Variants in YEATS2 observed in about 807,000 individuals in gnomAD.
YEATS2 encodes the protein YEATS domain containing 2.
YEATS2 carries 77 observed loss-of-function variants against 163.2 expected under a neutral mutation model. That is an observed-to-expected ratio of 0.47 (90% confidence interval 0.39 to 0.57). The LOEUF is 0.57. Among genes scored for constraint, YEATS2 ranks in the 20% least tolerant of loss-of-function variants. The probability of loss-of-function intolerance (pLI) is 0.00; values close to 1 mark genes in which losing one functional copy is unlikely to be tolerated. For missense variants in YEATS2, 1,549 were observed against 1,729.8 expected (o/e 0.90, Z 1.85); for synonymous variants, 631 against 645.1 (o/e 0.98, Z 0.33).
intron 11 of YEATS2, among the ~76,000 whole-genome samples, 153 bp from the exon 12 acceptor site, chr3:183,756,375 C>G (rs1720766931): frequency 6.6e-6 from 1 of 152,178 alleles, no homozygotes; most frequent in Non-Finnish European, 1.5e-5. Context: ...ACCTCTGTTG[C>G]TGCTCAGTAC....
intron 3 of YEATS2, 67 bp from the exon 4 acceptor site, chr3:183,718,433 T>C: frequency 8.2e-7 from 1 of 1,226,696 alleles, no homozygotes; most frequent in East Asian, 2.6e-5. Context: ...TCTTATTTTG[T>C]GAATTGTTTG....
In YEATS2 at chr3:183,712,791, G is replaced by C. The variant is rs545451857; in HGVS notation, c.-19-2353G>C. Among the ~76,000 whole-genome samples the C allele has an allele frequency of 7.7e-4, 111 of 143,364 alleles. No individual in the cohort carries two copies. In the Middle Eastern group the frequency reaches 0.011, roughly 14 times the overall value. The allele number at this position is 143,364 out of a possible 152,430, so 94.1% of individuals were successfully genotyped here. ...TTTTTTTTTTTTTCGAGAGAGTTTT[G>C]CTCTTGTTGCCCAGGCCGGAGTGCA... On this transcript the variant is annotated intron_variant, in intron 1 of 30. Transcript: ENST00000305135.
rs1726422173 is a variant in YEATS2 at position 183,808,232 on chromosome 3, G to T, written c.4086+128G>T. On this transcript the variant is annotated intron_variant, in intron 29 of 30. Coordinates refer to ENST00000305135, the MANE Select transcript of YEATS2 (RefSeq NM_018023.5). The stretch of plus-strand genomic sequence containing the variant: ...AATGTCTCGTCTTATTTGGGCTTAA[G>T]TTCTCTCTTTTTGTTTTTTTGTTTT... 4 of 733,654 alleles carry T rather than the reference G, an allele frequency of 5.5e-6. No individual in the cohort carries two copies. The South Asian group carries it at 8.2e-5, about 15-fold the overall frequency. 45.4% of individuals were successfully genotyped at this position (733,654 alleles called of 1,614,324 possible). A position where few individuals can be genotyped will look rare whatever the true frequency, so the allele number is the denominator to read the frequency against.
At chr3:183,769,932 G>A (rs1286117572) in intron 15 of YEATS2, among the ~76,000 whole-genome samples, 2 of 151,522 alleles carry the variant, frequency 1.3e-5, no homozygotes, top group Non-Finnish European at 2.9e-5. Context: ...TGATCCGCCC[G>A]CCTCAGCCTC....
At chr3:183,740,063 C>T (rs373554955) in intron 8 of YEATS2, among the ~76,000 whole-genome samples, 2 of 128,068 alleles carry the variant, frequency 1.6e-5, no homozygotes, top group African/African-American at 3.0e-5. Context: ...ACTTCATGTC[C>T]AAAACACCAA....
chr3:183,783,128 A>T (rs1723738066), intron 19 of YEATS2, among the ~76,000 whole-genome samples: 1 of 152,224 alleles, frequency 6.6e-6, no homozygotes, highest in African/African-American at 2.4e-5. Context: ...ACTTTTTCAG[A>T]TAGTGCTAGC....
chr3:183,714,598 A>G (rs529860244), intron 1 of YEATS2, among the ~76,000 whole-genome samples: 42 of 152,048 alleles, frequency 2.8e-4, no homozygotes, highest in African/African-American at 9.4e-4. Flanking sequence ...AAGTCTATAG[A>G]TTTGTGTTTA....
chr3:183,698,762 G>A (rs2108941944), intron 1 of YEATS2, among the ~76,000 whole-genome samples: 1 of 152,154 alleles, frequency 6.6e-6, no homozygotes, highest in South Asian at 2.1e-4. Flanking sequence ...TCGCTCACAT[G>A]TAAAAAATGC....
chr3:183,750,041 G>T (rs1263562678), intron 9 of YEATS2, among the ~76,000 whole-genome samples: 1 of 151,848 alleles, frequency 6.6e-6, no homozygotes, highest in Non-Finnish European at 1.5e-5. Context: ...AGCCAGGATG[G>T]TCTTGATCTC....
At chr3:183,722,365 T>G (rs1266517545) in intron 5 of YEATS2, among the ~76,000 whole-genome samples, 3 of 144,526 alleles carry the variant, frequency 2.1e-5, no homozygotes, top group Non-Finnish European at 4.5e-5. Context: ...CATGGCTCAC[T>G]GCAACCTCCG....
intron 7 of YEATS2, among the ~76,000 whole-genome samples, chr3:183,732,432 G>A (rs966478650): frequency 9.4e-5 from 14 of 148,594 alleles, no homozygotes; most frequent in African/African-American, 3.5e-4. Flanking sequence ...CAGCCTAGGT[G>A]ACAGAGCAAG....
chr3:183,702,722 C>T (rs1714227676), intron 1 of YEATS2, among the ~76,000 whole-genome samples: 2 of 150,980 alleles, frequency 1.3e-5, no homozygotes, highest in Admixed American at 1.3e-4. Context: ...GTAGTCACAG[C>T]TACTCGGAGG....
intron 28 of YEATS2, 107 bp downstream of exon 28, chr3:183,807,199 A>G: frequency 9.9e-7 from 1 of 1,013,728 alleles, no homozygotes; most frequent in Non-Finnish European, 1.5e-6. Context: ...TCACAGACAC[A>G]GACTCAGACC....
rs1176974770 is a variant in YEATS2 at position 183,796,148 on chromosome 3, ATTTTTTT to A, written c.3098-1760_3098-1754del. Among the ~76,000 whole-genome samples the A allele has an allele frequency of 1.1e-4, 11 of 96,082 alleles. No individual in the cohort carries two copies. In the South Asian group the frequency reaches 1.9e-3, roughly 17 times the overall value. 63.0% of individuals were successfully genotyped at this position (96,082 alleles called of 152,430 possible). ...CAGGCACCTGCCACCATGCCCGGCTATTTTTTTTTTTTTTTTTTTTTGTATTTTTAGT... is the reference window on the plus strand; with the variant it reads ...CAGGCACCTGCCACCATGCCCGGCTATTTTTTTTTTTTTTGTATTTTTAGT... On this transcript the variant is annotated intron_variant, in intron 21 of 30. Transcript: ENST00000305135.
At chr3:183,716,725 G>A (rs1209657769) in intron 2 of YEATS2, among the ~76,000 whole-genome samples, 1 of 152,052 alleles carries the variant, frequency 6.6e-6, no homozygotes, top group African/African-American at 2.4e-5. Context: ...TTGAATGTAA[G>A]TTCCAAAATA....
chr3:183,740,599 T>G (rs1412331266), intron 8 of YEATS2, among the ~76,000 whole-genome samples: 3 of 152,222 alleles, frequency 2.0e-5, no homozygotes, highest in Non-Finnish European at 4.4e-5. Context: ...GCTCTTCAAT[T>G]CTGTCAAGAC....
chr3:183,705,198 T>A (rs1560213914), intron 1 of YEATS2, among the ~76,000 whole-genome samples: 1 of 151,952 alleles, frequency 6.6e-6, no homozygotes, highest in East Asian at 1.9e-4. Context: ...TACAGGTGCT[T>A]GCCACTACTC....
intron 7 of YEATS2, among the ~76,000 whole-genome samples, chr3:183,732,563 A>AT (rs896331451): frequency 1.3e-5 from 2 of 151,570 alleles, no homozygotes; most frequent in Non-Finnish European, 2.9e-5. Context: ...TTTTATTTTT[A>AT]TTTTTATGTT....
intron 8 of YEATS2, among the ~76,000 whole-genome samples, chr3:183,738,695 T>C (rs970554914): frequency 1.4e-5 from 2 of 139,476 alleles, no homozygotes; most frequent in Non-Finnish European, 3.1e-5. Flanking sequence ...GAATGATGAT[T>C]TCCAATTTCA....
Sources: allele counts gnomAD v4.1 joint callset (sites outside exome capture counted in the v4.1 genomes callset), GRCh38; gene constraint gnomAD v4.1.1; transcripts MANE v1.5; gene names NCBI Gene and HGNC (gene_info 2026-07-23, HGNC 2026-07-21).